The following KIAA1755 variants were observed in gnomAD, a reference collection of about 807,000 sequenced individuals.
KIAA1755 encodes the protein uncharacterized protein KIAA1755.
Under a neutral mutation model 91.7 loss-of-function variants are expected in KIAA1755, and 68 were observed. The ratio of observed to expected loss-of-function variants is 0.74; its 90% confidence interval spans 0.61 to 0.91. The LOEUF (loss-of-function observed/expected upper bound fraction) is 0.91, where lower values mean the gene tolerates loss of function less well. Among genes scored for constraint, KIAA1755 ranks in the 40% least tolerant of loss-of-function variants. The probability of loss-of-function intolerance (pLI) is 0.00; values close to 1 mark genes in which losing one functional copy is unlikely to be tolerated. For missense variants in KIAA1755, 1,535 were observed against 1,494.4 expected, an observed-to-expected ratio of 1.03 and a Z score of -0.45; for synonymous variants, 610 against 604.6, an observed-to-expected ratio of 1.01 and a Z score of -0.13.
chr20:38,225,891 T>C (rs1880607553), intron 7 of KIAA1755, 110 bp from the exon 8 acceptor site: 4 of 597,160 alleles, frequency 6.7e-6, no homozygotes, highest in Non-Finnish European at 1.1e-5. Flanking sequence ...ACAAGTAAGG[T>C]TGACTCCAGC....
intron 4 of KIAA1755, among the ~76,000 whole-genome samples, 157 bp downstream of exon 4, chr20:38,239,371 C>T (rs1354520310): frequency 6.6e-6 from 1 of 152,220 alleles, no homozygotes; most frequent in African/African-American, 2.4e-5. Context: ...TTCCAATTCT[C>T]CCATGGGAAA....
At chr20:38,232,244 A>T (rs2075879040) in intron 4 of KIAA1755, among the ~76,000 whole-genome samples, 1 of 151,936 alleles carries the variant, frequency 6.6e-6, no homozygotes, top group Non-Finnish European at 1.5e-5. Context: ...AAACCTAACC[A>T]CCTTCACAAG....
chr20:38,217,727 T>C (rs2075576211), intron 12 of KIAA1755: 2 of 569,034 alleles, frequency 3.5e-6, no homozygotes, highest in African/African-American at 3.7e-5. Flanking sequence ...TCACTTTGCC[T>C]AGCCGGGCTC....
At chr20:38,231,120 C>T in intron 5 of KIAA1755, 82 bp downstream of exon 5, 2 of 1,416,566 alleles carry the variant, frequency 1.4e-6, no homozygotes, top group Non-Finnish European at 1.9e-6. Flanking sequence ...TATGGTGCCT[C>T]TCCACTCAGT....
At position 38,223,347 on chromosome 20, in the gene KIAA1755, G is replaced by A. The variant is rs8126404; in HGVS notation, c.2268+191C>T. ...ACGAGCCCCAAGAGGGCAGGGATAA[G>A]TCAGTTTGCTCCAGGCTGGTCTCCA... On this transcript the variant is annotated intron_variant, in intron 9 of 13. Transcript: ENST00000279024. Among the ~76,000 whole-genome samples the A allele has an allele frequency of 8.8e-3, 1,338 of 152,362 alleles. 28 individuals carry two copies. The highest frequency in any genetic ancestry group is 0.03 in the African/African-American group (1,261 of 41,574).
chr20:38,236,649 G>GC (rs1179902102), intron 4 of KIAA1755, among the ~76,000 whole-genome samples: 1 of 152,172 alleles, frequency 6.6e-6, no homozygotes, highest in African/African-American at 2.4e-5. Flanking sequence ...CTGCGGAAGG[G>GC]CCTAGGGTGA....
chr20:38,224,182 T>C (rs1259335020), intron 8 of KIAA1755, among the ~76,000 whole-genome samples: 1 of 152,178 alleles, frequency 6.6e-6, no homozygotes, highest in African/African-American at 2.4e-5. Flanking sequence ...ATTAAACCCA[T>C]TAATATATGC....
At position 38,213,542 on chromosome 20, in the gene KIAA1755, C is replaced by T. The variant is rs1339753799; in HGVS notation, c.3103G>A (p.Glu1035Lys). The change falls in exon 14 of 14, where the codon GAG (glutamate) becomes AAG (lysine). Residue 1035 changes from glutamate (E) to lysine (K), a missense_variant. Glu to Lys is a moderately conservative substitution (Grantham distance 56, BLOSUM62 1). Transcript: ENST00000279024. The part of the protein sequence containing the change: ...SRAGLGQELW[E>K]EARIRHEEIR... ...TCCTCATGCCTGATCCGGGCCTCCT[C>T]CCATAGCTCCTGGCCCAGGCCTGCC... The T allele has an allele frequency of 1.9e-6, 3 of 1,609,200 alleles. No individual in the cohort carries two copies. Among genetic ancestry groups the T allele is most frequent in the Non-Finnish European group, 2.5e-6 (3 of 1,177,870 alleles).
At chr20:38,233,352 A>G (rs948778219) in intron 4 of KIAA1755, 12 of 152,204 alleles carry the variant, frequency 7.9e-5, no homozygotes, top group Admixed American at 6.5e-4. Flanking sequence ...GAAATTTTTC[A>G]TAATATAAAA....
Position 38,228,208 on chromosome 20 carries a change from A to G in KIAA1755, c.1904T>C (p.Leu635Pro). 6.2e-7 allele frequency: 1 copy of G among 1,603,360 alleles called. No homozygotes were observed. The highest frequency in any genetic ancestry group is 2.3e-5 in the East Asian group (1 of 44,386). The change falls in exon 6 of 14, where the codon CTG (leucine) becomes CCG (proline). Residue 635 changes from leucine to proline, a missense_variant. Coordinates refer to ENST00000279024, the MANE Select transcript of KIAA1755 (RefSeq NM_001029864.2). ...PEDKAKGLAV[L>P]IDARRQPPQP... ...TGGGGGCTGTCTCCTGGCGTCAATCAGGACCGCCAGCCCCTTGGCTTTATC... is the reference window on the plus strand; with the variant it reads ...TGGGGGCTGTCTCCTGGCGTCAATCGGGACCGCCAGCCCCTTGGCTTTATC...
chr20:38,254,880 A>G (rs2076313068), intron 1 of KIAA1755, among the ~76,000 whole-genome samples: 1 of 151,672 alleles, frequency 6.6e-6, no homozygotes, highest in African/African-American at 2.4e-5. Flanking sequence ...GAGAAGGTTT[A>G]AAAAGATCTG....
At position 38,222,605 on chromosome 20, in the gene KIAA1755, C is replaced by T. The variant is rs762034055; in HGVS notation, c.2269-8G>A. On this transcript the variant is annotated splice_region_variant and splice_polypyrimidine_tract_variant and intron_variant, in intron 9 of 13. Transcript: ENST00000279024. ...CAGGCACCTGGTAGCCTCCTGCCAG[C>T]GTAGGGAGGTGCCCTGAGGCCCCAT... The T allele has an allele frequency of 2.4e-5, 39 of 1,611,014 alleles. No individual in the cohort carries two copies. The highest frequency in any genetic ancestry group is 6.7e-5 in the East Asian group (3 of 44,882).
At chr20:38,255,817 T>A (rs1600666200) in intron 1 of KIAA1755, among the ~76,000 whole-genome samples, 1 of 152,104 alleles carries the variant, frequency 6.6e-6, no homozygotes, top group East Asian at 1.9e-4. Flanking sequence ...TCCAGCTCTG[T>A]CTGTATCATC....
intron 12 of KIAA1755, chr20:38,217,697 C>G (rs1052481311): frequency 1.9e-5 from 11 of 586,278 alleles, no homozygotes; most frequent in Non-Finnish European, 2.7e-5. Flanking sequence ...TGGAAGTCTC[C>G]AGGCCCTCGC....
In KIAA1755 at chr20:38,223,572, T is replaced by G. The variant is rs2075700901; in HGVS notation, c.2234A>C (p.Glu745Ala). 1 of 1,600,190 alleles carries G rather than the reference T, an allele frequency of 6.2e-7. No homozygotes were observed. Among genetic ancestry groups the G allele is most frequent in the Non-Finnish European group, 8.5e-7 (1 of 1,174,698 alleles). ...CCCAGGGGGGTCGGCCTTCTCGAAT[T>G]CCTCGATGGAAGCTTGTAGCAGGGA... is the stretch of plus-strand genomic sequence containing the variant. ...ASSLLQASIE[E>A]FEKADPPGGM... Residue 745 changes from glutamate to alanine, a missense_variant, in exon 9 of 14, where the codon GAA becomes GCA. By Grantham distance (107) the Glu-to-Ala change is moderately radical. Coordinates refer to ENST00000279024, the MANE Select transcript of KIAA1755 (RefSeq NM_001029864.2).
chr20:38,227,161 T>C lies in KIAA1755; in HGVS notation c.2045A>G (p.Asp682Gly). The change falls in exon 7 of 14, where the codon GAC becomes GGC. Residue 682 changes from aspartate (D) to glycine (G), a missense_variant. Coordinates refer to ENST00000279024, the MANE Select transcript of KIAA1755 (RefSeq NM_001029864.2). ...ACCCTGAGTCCCCCTCACCTGGACG[T>C]CAGGTAATGTCTGCAGCTGGAGAGC... ...EAALQLQTLP[D>G]VQVEVLTSLK... The C allele has an allele frequency of 6.2e-7, 1 of 1,613,298 alleles. No homozygotes were observed. Among genetic ancestry groups the C allele is most frequent in the Non-Finnish European group, 8.5e-7 (1 of 1,179,442 alleles).
Position 38,213,747 on chromosome 20 carries a change from G to A in KIAA1755, c.2902-4C>T. 2 of 1,457,778 alleles carry A rather than the reference G, an allele frequency of 1.4e-6. No homozygotes were observed. The allele number at this position is 1,457,778 out of a possible 1,614,324, so 90.3% of individuals were successfully genotyped here. A position where few individuals can be genotyped will look rare whatever the true frequency, so the allele number is the denominator to read the frequency against. On this transcript the variant is annotated splice_region_variant and splice_polypyrimidine_tract_variant and intron_variant, in intron 13 of 13. Transcript: ENST00000279024. ...AGTCCATGTGGAACCAGGTCATCTG[G>A]GGGACAAGAAGAGAGGGAGGTGGGG...
chr20:38,246,019 G>A lies in KIAA1755; in HGVS notation c.111C>T (p.Asp37=), dbSNP rs374974501. Residue 37 remains aspartate (D), a synonymous_variant, in exon 2 of 14, where the codon GAC becomes GAT. Transcript: ENST00000279024. The part of the protein sequence containing the change: ...TVLGQVFRLL[D]SGFQGDGLSF... ...TCAGCCCATCCCCCTGGAAGCCAGAGTCCAGGAGACGGAACACCTGACCCA... is the reference window on the plus strand; with the variant it reads ...TCAGCCCATCCCCCTGGAAGCCAGAATCCAGGAGACGGAACACCTGACCCA... 20 of 1,614,068 alleles carry A rather than the reference G, an allele frequency of 1.2e-5. No individual in the cohort carries two copies. In the Admixed American group the frequency reaches 2.3e-4, roughly 19 times the overall value.
chr20:38,260,442 G>A lies in KIAA1755; in HGVS notation c.3+56C>T, dbSNP rs545210875. The A allele has an allele frequency of 3.2e-5, 50 of 1,542,410 alleles. No homozygotes were observed. The East Asian group carries it at 9.3e-4, about 29-fold the overall frequency. ...GGGGCTGTTCTGCAGGGAATGGGGAGGGCTGTGCCCACTGAAAGGGGGCAG... is the reference window on the plus strand; with the variant it reads ...GGGGCTGTTCTGCAGGGAATGGGGAAGGCTGTGCCCACTGAAAGGGGGCAG... On this transcript the variant is annotated intron_variant, in intron 1 of 13. Transcript: ENST00000279024.
Sources: gnomAD v4.1 joint callset for allele counts (sites outside exome capture counted in the v4.1 genomes callset) on GRCh38, gnomAD v4.1.1 for gene constraint, MANE v1.5 for transcripts, NCBI Gene and HGNC (gene_info 2026-07-23, HGNC 2026-07-21) for gene names.